The following PIK3C2G variants were observed in gnomAD, a reference collection of about 807,000 sequenced individuals.
PIK3C2G encodes phosphatidylinositol 3-kinase C2 domain-containing subunit gamma.
A neutral mutation model predicts 181.1 loss-of-function variants in PIK3C2G; 168 were observed. That is an observed-to-expected ratio of 0.93 (90% CI 0.82 to 1.05). The LOEUF is 1.05. Ranked by LOEUF, PIK3C2G falls within the 50% of genes least tolerant of loss-of-function variation. PIK3C2G has a pLI of 0.00. For synonymous variants in PIK3C2G, 573 were observed against 592.2 expected (o/e 0.97, Z 0.47); for missense variants, 1,869 against 1,732.8 (o/e 1.08, Z -1.40).
chr12:18,626,499 C>T (rs184337487), intron 31 of PIK3C2G, among the ~76,000 whole-genome samples: 1 of 151,826 alleles, frequency 6.6e-6, no homozygotes, highest in African/African-American at 2.4e-5. Flanking sequence ...TTATTTATAC[C>T]ATTAGATTTC....
chr12:18,552,119 G>A (rs866185401), intron 26 of PIK3C2G, among the ~76,000 whole-genome samples: 32 of 152,178 alleles, frequency 2.1e-4, no homozygotes, highest in African/African-American at 7.5e-4. Context: ...CTTTGAAGCC[G>A]TTGGAAATGT....
At chr12:18,576,324 A>G (rs1946229587) in intron 29 of PIK3C2G, among the ~76,000 whole-genome samples, 1 of 152,200 alleles carries the variant, frequency 6.6e-6, no homozygotes, top group South Asian at 2.1e-4. Context: ...GCCTAGTGCC[A>G]TGCCCAGGAA....
chr12:18,362,142 G>T (rs1206875054), intron 11 of PIK3C2G, among the ~76,000 whole-genome samples: 3 of 152,026 alleles, frequency 2.0e-5, no homozygotes, highest in African/African-American at 2.4e-5. Context: ...CATAAATTGG[G>T]TTTTTTTAAA....
chr12:18,346,555 T>C, intron 10 of PIK3C2G, 86 bp from the exon 11 acceptor site: 1 of 736,542 alleles, frequency 1.4e-6, no homozygotes, highest in Non-Finnish European at 2.3e-6. Context: ...TGAAATTGTA[T>C]TATATGACAT....
intron 31 of PIK3C2G, among the ~76,000 whole-genome samples, chr12:18,638,167 A>C (rs1194913724): frequency 2.0e-5 from 3 of 152,072 alleles, no homozygotes; most frequent in African/African-American, 7.2e-5. Flanking sequence ...CTGGGATTTG[A>C]GTTTGGTTAT....
At chr12:18,312,934 T>G (rs1565586347) in intron 5 of PIK3C2G, among the ~76,000 whole-genome samples, 2 of 152,128 alleles carry the variant, frequency 1.3e-5, no homozygotes, top group African/African-American at 4.8e-5. Context: ...TAATGGTCTA[T>G]TTGTCTGGCA....
intron 6 of PIK3C2G, 75 bp downstream of exon 6, chr12:18,314,139 T>C (rs1950760198): frequency 1.4e-6 from 1 of 706,490 alleles, no homozygotes; most frequent in Non-Finnish European, 2.5e-6. Flanking sequence ...TTTTGAACTA[T>C]TGCCAACTTG....
the PIK3C2G span, chr12:18,693,799 T>C: frequency 8.6e-6 from 13 of 1,516,062 alleles, no homozygotes; most frequent in African/African-American, 1.8e-4. Context: ...ATCCAGCGCT[T>C]ATCAGACCAG....
chr12:18,263,428 T>A (rs972364752), intron 1 of PIK3C2G, among the ~76,000 whole-genome samples: 1 of 152,094 alleles, frequency 6.6e-6, no homozygotes, highest in African/African-American at 2.4e-5. Context: ...CTTATATATG[T>A]TCATTGAATT....
intron 10 of PIK3C2G, among the ~76,000 whole-genome samples, chr12:18,344,724 A>G (rs1341284711): frequency 1.3e-5 from 2 of 152,148 alleles, no homozygotes; most frequent in Admixed American, 6.6e-5. Flanking sequence ...TAAATTGCAC[A>G]TAGATTGTCC....
chr12:18,505,877 ACAT>A (rs1941797521), intron 24 of PIK3C2G, among the ~76,000 whole-genome samples: 1 of 152,204 alleles, frequency 6.6e-6, no homozygotes, highest in Non-Finnish European at 1.5e-5. Flanking sequence ...AACTAGCCAT[ACAT>A]CATTCCACAG....
intron 18 of PIK3C2G, among the ~76,000 whole-genome samples, chr12:18,449,114 T>C (rs1377104961): frequency 1.3e-5 from 2 of 152,046 alleles, no homozygotes; most frequent in Non-Finnish European, 2.9e-5. Context: ...AACAGTGTAT[T>C]GAGTCCTCTT....
intron 14 of PIK3C2G, among the ~76,000 whole-genome samples, chr12:18,386,987 G>C (rs1029045150): frequency 6.6e-6 from 1 of 151,980 alleles, no homozygotes; most frequent in Non-Finnish European, 1.5e-5. Context: ...CCCCCACCTG[G>C]ATATTCTATT....
intron 29 of PIK3C2G, among the ~76,000 whole-genome samples, chr12:18,578,967 T>C (rs1176629308): frequency 1.3e-5 from 2 of 152,124 alleles, no homozygotes; most frequent in Non-Finnish European, 2.9e-5. Context: ...GCTAGTCTTA[T>C]GACAACATAG....
chr12:18,443,372 G>A (rs1468606848), intron 18 of PIK3C2G, among the ~76,000 whole-genome samples: 1 of 152,100 alleles, frequency 6.6e-6, no homozygotes, highest in East Asian at 1.9e-4. Flanking sequence ...AAAAATATCA[G>A]TATATTTATT....
the PIK3C2G span, among the ~76,000 whole-genome samples, chr12:18,701,083 C>G: frequency 6.6e-6 from 1 of 151,732 alleles, no homozygotes; most frequent in African/African-American, 2.4e-5. Flanking sequence ...GTCCCAGGTT[C>G]AAGCAATTCT....
intron 1 of PIK3C2G, among the ~76,000 whole-genome samples, chr12:18,252,201 T>A (rs1948101920): frequency 6.6e-6 from 1 of 152,104 alleles, no homozygotes; most frequent in African/African-American, 2.4e-5. Flanking sequence ...ACCGAAACTA[T>A]AGAACTAATA....
intron 24 of PIK3C2G, among the ~76,000 whole-genome samples, chr12:18,513,930 G>A (rs1942371062): frequency 6.6e-6 from 1 of 151,544 alleles, no homozygotes; most frequent in Non-Finnish European, 1.5e-5. Flanking sequence ...GACTTTTGAG[G>A]CGTTATGTTA....
At chr12:18,359,374 G>A (rs1330278702) in intron 11 of PIK3C2G, among the ~76,000 whole-genome samples, 1 of 152,174 alleles carries the variant, frequency 6.6e-6, no homozygotes, top group African/African-American at 2.4e-5. Flanking sequence ...CCTGGAGGGT[G>A]TTTCCTGTTT....
Sources: allele counts gnomAD v4.1 joint callset (sites outside exome capture counted in the v4.1 genomes callset), GRCh38; gene constraint gnomAD v4.1.1; transcripts MANE v1.5; gene names NCBI Gene and HGNC (gene_info 2026-07-23, HGNC 2026-07-21).